HIVEP2: variants seen among roughly 807,000 people sequenced by gnomAD.
The protein encoded by HIVEP2 is HIVEP zinc finger 2, also known as transcription factor HIVEP2.
HIVEP2 carries 14 observed loss-of-function variants against 180.7 expected under a neutral mutation model. That is an observed-to-expected ratio of 0.08 (90% CI 0.05 to 0.12). The LOEUF is 0.12. Ranked by LOEUF, HIVEP2 falls within the 10% of genes least tolerant of loss-of-function variation. The probability of loss-of-function intolerance (pLI) is 1.00; values close to 1 mark genes in which losing one functional copy is unlikely to be tolerated. For synonymous variants in HIVEP2, 1,184 were observed against 1,136.4 expected, an observed-to-expected ratio of 1.04 and a Z score of -0.84; for missense variants, 2,579 against 3,008.5, an observed-to-expected ratio of 0.86 and a Z score of 3.34.
At chr6:142,915,674 T>A (rs1161315474) in intron 1 of HIVEP2, among the ~76,000 whole-genome samples, 1 of 152,170 alleles carries the variant, frequency 6.6e-6, no homozygotes, top group Non-Finnish European at 1.5e-5. Context: ...CTTGGTGGCA[T>A]CACTCCCTTG....
chr6:142,800,125 T>C (rs1435560841), intron 2 of HIVEP2, among the ~76,000 whole-genome samples: 1 of 152,156 alleles, frequency 6.6e-6, no homozygotes, highest in East Asian at 1.9e-4. Context: ...ACACTGAAAA[T>C]GTCTGCATTT....
intron 1 of HIVEP2, among the ~76,000 whole-genome samples, chr6:142,877,869 T>C (rs1776483144): frequency 1.3e-5 from 2 of 152,192 alleles, no homozygotes; most frequent in Admixed American, 6.5e-5. Context: ...AACTATTCTT[T>C]AGCTTTTGTG....
At chr6:142,843,825 T>A (rs1244373208) in intron 1 of HIVEP2, among the ~76,000 whole-genome samples, 1 of 152,334 alleles carries the variant, frequency 6.6e-6, no homozygotes, top group Middle Eastern at 3.4e-3. Flanking sequence ...GGTTTGAGCC[T>A]GGGAGCACAA....
chr6:142,766,878 T>A (rs951146555), intron 6 of HIVEP2, among the ~76,000 whole-genome samples: 2 of 152,162 alleles, frequency 1.3e-5, no homozygotes. Flanking sequence ...ATACTTTTTA[T>A]TTTTTTAGCT....
chr6:142,919,773 C>A (rs2128433752), intron 1 of HIVEP2, among the ~76,000 whole-genome samples: 1 of 152,244 alleles, frequency 6.6e-6, no homozygotes, highest in Middle Eastern at 3.4e-3. Flanking sequence ...AAAATTGATA[C>A]CCTGACATGG....
In HIVEP2 at chr6:142,790,453, A is replaced by G. The variant is rs575945299; in HGVS notation, c.-527-6838T>C. Reference sequence around the variant, plus strand: ...TTAAACATTTACTCTTTAACTAAATATTTGGAGAGACAGGGATAAAAGCAA... The same window carrying G: ...TTAAACATTTACTCTTTAACTAAATGTTTGGAGAGACAGGGATAAAAGCAA... On this transcript the variant is annotated intron_variant, in intron 2 of 9. Coordinates refer to ENST00000367603, the MANE Select transcript of HIVEP2 (RefSeq NM_006734.4). Among the ~76,000 whole-genome samples, 49 of 152,328 alleles carry G rather than the reference A, an allele frequency of 3.2e-4. 1 individual carries two copies. The South Asian group carries it at 9.9e-3, about 31-fold the overall frequency.
At chr6:142,818,692 CAAGA>C (rs145421215) in intron 2 of HIVEP2, among the ~76,000 whole-genome samples, 7,217 of 51,720 alleles carry the variant, frequency 0.14, 1,581 homozygotes, top group African/African-American at 0.36. Context: ...GAGAGAGAGA[CAAGA>C]AAGAAAGAAA....
At chr6:142,862,210 C>T (rs941380438) in intron 1 of HIVEP2, among the ~76,000 whole-genome samples, 1 of 151,946 alleles carries the variant, frequency 6.6e-6, no homozygotes, top group African/African-American at 2.4e-5. Context: ...AAGAATAAAG[C>T]AATGTATTGT....
At chr6:142,926,077 A>G (rs1317643886) in intron 1 of HIVEP2, among the ~76,000 whole-genome samples, 1 of 152,248 alleles carries the variant, frequency 6.6e-6, no homozygotes, top group Admixed American at 6.5e-5. Flanking sequence ...GATTATTAGT[A>G]CTAAACATCG....
intron 1 of HIVEP2, among the ~76,000 whole-genome samples, chr6:142,925,358 C>T (rs1339699717): frequency 6.6e-6 from 1 of 152,172 alleles, no homozygotes; most frequent in East Asian, 1.9e-4. Flanking sequence ...CCACAACCTT[C>T]CCTCTATTCT....
At chr6:142,909,049 A>C (rs1299227473) in intron 1 of HIVEP2, among the ~76,000 whole-genome samples, 1 of 152,168 alleles carries the variant, frequency 6.6e-6, no homozygotes, top group Non-Finnish European at 1.5e-5. Context: ...CTTGAAGAGC[A>C]GGTGTATCAT....
At chr6:142,857,455 C>G (rs1775853599) in intron 1 of HIVEP2, among the ~76,000 whole-genome samples, 1 of 152,172 alleles carries the variant, frequency 6.6e-6, no homozygotes, top group South Asian at 2.1e-4. Context: ...GCCATAATGA[C>G]CAGGTTAGAA....
intron 1 of HIVEP2, among the ~76,000 whole-genome samples, chr6:142,933,289 G>A (rs1448981438): frequency 6.6e-6 from 1 of 152,202 alleles, no homozygotes; most frequent in Non-Finnish European, 1.5e-5. Flanking sequence ...ATACAACTGT[G>A]TGGCATACTG....
intron 6 of HIVEP2, 63 bp downstream of exon 6, chr6:142,768,319 C>T (rs1394090221): frequency 3.4e-6 from 5 of 1,456,432 alleles, no homozygotes; most frequent in Non-Finnish European, 3.7e-6. Context: ...TCCATGCAGA[C>T]ATTCTGGACC....
At chr6:142,941,876 C>T (rs1370817567) in intron 1 of HIVEP2, among the ~76,000 whole-genome samples, 1 of 152,148 alleles carries the variant, frequency 6.6e-6, no homozygotes, top group Non-Finnish European at 1.5e-5. Context: ...CGTTTCTCCA[C>T]CTACAGAACT....
At chr6:142,809,936 T>A (rs995541816) in intron 2 of HIVEP2, among the ~76,000 whole-genome samples, 1 of 152,132 alleles carries the variant, frequency 6.6e-6, no homozygotes, top group African/African-American at 2.4e-5. Context: ...CAATCATCAT[T>A]GTTAACAAAC....
intron 2 of HIVEP2, among the ~76,000 whole-genome samples, chr6:142,812,529 A>C (rs1776725335): frequency 1.3e-5 from 2 of 152,206 alleles, no homozygotes; most frequent in Admixed American, 1.3e-4. Context: ...AAACCTCCGT[A>C]AAATTTTTAG....
intron 2 of HIVEP2, among the ~76,000 whole-genome samples, chr6:142,833,574 T>C (rs992432650): frequency 5.9e-5 from 9 of 152,186 alleles, no homozygotes; most frequent in African/African-American, 2.2e-4. Context: ...AGTTAATACT[T>C]ACTGATGGAA....
chr6:142,897,797 T>C (rs772063382), intron 1 of HIVEP2, among the ~76,000 whole-genome samples: 2 of 152,296 alleles, frequency 1.3e-5, no homozygotes, highest in African/African-American at 2.4e-5. Context: ...ATATATATTA[T>C]ATTACACAAT....
Sources: allele counts gnomAD v4.1 joint callset (sites outside exome capture counted in the v4.1 genomes callset), GRCh38; gene constraint gnomAD v4.1.1; transcripts MANE v1.5; gene names NCBI Gene and HGNC (gene_info 2026-07-23, HGNC 2026-07-21).